NCMAP: variants seen among roughly 807,000 people sequenced by gnomAD.
NCMAP encodes noncompact myelin-associated protein.
Under a neutral mutation model 7.8 loss-of-function variants are expected in NCMAP, and 8 were observed. The observed-to-expected ratio is 1.02, with a 90% CI of 0.60 to 1.84. The LOEUF is 1.84. Among genes scored for constraint, NCMAP ranks in the 40% most tolerant of loss-of-function variants. NCMAP has a pLI of 0.00. For missense variants in NCMAP, 112 were observed against 131.4 expected, an observed-to-expected ratio of 0.85 and a Z score of 0.72; for synonymous variants, 41 against 52.9, an observed-to-expected ratio of 0.78 and a Z score of 0.98.
chr1:24,568,506 G>A (rs1929301), intron 1 of NCMAP, among the ~76,000 whole-genome samples: 42,443 of 152,024 alleles, frequency 0.28, 6,077 homozygotes, highest in Non-Finnish European at 0.31. Context: ...AGAGGTGGAG[G>A]AGGGGAGAGA....
At chr1:24,569,444 A>C (rs1651325860) in intron 1 of NCMAP, among the ~76,000 whole-genome samples, 1 of 147,166 alleles carries the variant, frequency 6.8e-6, no homozygotes, top group African/African-American at 2.6e-5. Flanking sequence ...CCCAGACTTC[A>C]CTCCCATTGT....
In NCMAP at chr1:24,606,904, G is replaced by A. The variant is rs770812683; in HGVS notation, c.*1157G>A. On this transcript the variant is annotated 3_prime_UTR_variant, in exon 4 of 4. Coordinates refer to ENST00000374392, the MANE Select transcript of NCMAP (RefSeq NM_001010980.5). ...CATTGGGGCACTATAACAAGTGAAGGACTTAGGAAAACATCTGGAGTATAG... is the reference window on the plus strand; with the variant it reads ...CATTGGGGCACTATAACAAGTGAAGAACTTAGGAAAACATCTGGAGTATAG... 1.3e-5 allele frequency: 2 copies of A among 152,122 alleles called. No individual in the cohort carries two copies. The highest frequency in any genetic ancestry group is 6.5e-5 in the Admixed American group (1 of 15,268). 9.4% of individuals were successfully genotyped at this position (152,122 alleles called of 1,614,324 possible). A position where few individuals can be genotyped will look rare whatever the true frequency, so the allele number is the denominator to read the frequency against.
At chr1:24,590,185 G>A (rs932606637) in intron 1 of NCMAP, among the ~76,000 whole-genome samples, 4 of 152,320 alleles carry the variant, frequency 2.6e-5, no homozygotes, top group Admixed American at 6.5e-5. Flanking sequence ...CATTTTGCTA[G>A]TTGAATCAGG....
chr1:24,587,387 A>T (rs1651912052), intron 1 of NCMAP, among the ~76,000 whole-genome samples: 1 of 152,214 alleles, frequency 6.6e-6, no homozygotes, highest in East Asian at 1.9e-4. Flanking sequence ...CCTACAGACA[A>T]CTACTATCGC....
intron 1 of NCMAP, among the ~76,000 whole-genome samples, chr1:24,572,142 G>A (rs987583659): frequency 6.7e-6 from 1 of 148,336 alleles, no homozygotes; most frequent in Admixed American, 6.6e-5. Context: ...GGGCAGCGGC[G>A]AGCATGCTCA....
At chr1:24,564,583 A>G (rs1469274417) in intron 1 of NCMAP, among the ~76,000 whole-genome samples, 7 of 150,294 alleles carry the variant, frequency 4.7e-5, no homozygotes, top group Non-Finnish European at 8.8e-5. Context: ...TCCCAAAAGG[A>G]AAGAAAAATA....
chr1:24,598,968 A>C (rs1652357006), intron 2 of NCMAP, among the ~76,000 whole-genome samples: 1 of 151,634 alleles, frequency 6.6e-6, no homozygotes, highest in Admixed American at 6.6e-5. Flanking sequence ...CAATTCCGAC[A>C]AGGATGTTGA....
At chr1:24,599,993 G>A (rs958612920) in intron 2 of NCMAP, among the ~76,000 whole-genome samples, 8 of 139,220 alleles carry the variant, frequency 5.7e-5, no homozygotes, top group South Asian at 2.5e-4. Context: ...AAACTATAAC[G>A]GGTATTTTTT....
chr1:24,582,021 A>T (rs72884502), intron 1 of NCMAP, among the ~76,000 whole-genome samples: 3,750 of 152,222 alleles, frequency 0.025, 144 homozygotes, highest in African/African-American at 0.086. Flanking sequence ...GCAGGGAAGG[A>T]ATCAGGCCTG....
rs1184189345 is a variant in NCMAP at position 24,564,513 on chromosome 1, C to CAAAAAAAAA, written c.-8+8355_-8+8363dup. 4.8e-4 allele frequency among the ~76,000 whole-genome samples: 24 copies of CAAAAAAAAA among 50,000 alleles called. 1 individual carries two copies. Among genetic ancestry groups the CAAAAAAAAA allele is most frequent in the East Asian group, 2.1e-3 (4 of 1,892 alleles). 32.8% of individuals were successfully genotyped at this position (50,000 alleles called of 152,430 possible). ...TGGGCAACAGAGTGAGATTCTGTCTCAAAAAAAAAAAAAAAAAAACAAAAA... is the reference window on the plus strand; with the variant it reads ...TGGGCAACAGAGTGAGATTCTGTCTCAAAAAAAAAAAAAAAAAAAAAAAAAAAACAAAAA... On this transcript the variant is annotated intron_variant, in intron 1 of 3. Transcript: ENST00000374392.
intron 1 of NCMAP, among the ~76,000 whole-genome samples, chr1:24,593,752 G>A (rs981036620): frequency 1.3e-5 from 2 of 151,946 alleles, no homozygotes; most frequent in Non-Finnish European, 1.5e-5. Flanking sequence ...TAGACCCTTC[G>A]TGGGCTTCCA....
chr1:24,599,437 A>G (rs988456910), intron 2 of NCMAP, among the ~76,000 whole-genome samples: 41 of 152,226 alleles, frequency 2.7e-4, no homozygotes, highest in African/African-American at 9.2e-4. Flanking sequence ...AGTATTCTCA[A>G]TAGAGAATTG....
chr1:24,574,794 C>CCT (rs1651496954), intron 1 of NCMAP, among the ~76,000 whole-genome samples: 3 of 131,834 alleles, frequency 2.3e-5, no homozygotes, highest in African/African-American at 8.6e-5. Flanking sequence ...GCCCGCAATA[C>CCT]TTTTTTTTTT....
At chr1:24,597,617 GAGAAAGAAAGAA>G (rs71032831) in intron 2 of NCMAP, among the ~76,000 whole-genome samples, 2,809 of 87,418 alleles carry the variant, frequency 0.032, 95 homozygotes, top group African/African-American at 0.071. Flanking sequence ...AAGAAAGAAA[GAGAAAGAAAGAA>G]AGAAAGAAAG....
At chr1:24,562,731 G>T (rs1419484825) in intron 1 of NCMAP, among the ~76,000 whole-genome samples, 2 of 152,202 alleles carry the variant, frequency 1.3e-5, no homozygotes, top group African/African-American at 4.8e-5. Context: ...ACAGGCAAGG[G>T]ATCAGGCATT....
At chr1:24,561,889 G>C (rs1477939075) in intron 1 of NCMAP, among the ~76,000 whole-genome samples, 1 of 147,232 alleles carries the variant, frequency 6.8e-6, no homozygotes, top group Non-Finnish European at 1.5e-5. Context: ...TACTCTGGGG[G>C]ACAAGAGCGA....
chr1:24,562,618 A>G (rs966243388), intron 1 of NCMAP, among the ~76,000 whole-genome samples: 1 of 152,178 alleles, frequency 6.6e-6, no homozygotes, highest in African/African-American at 2.4e-5. Flanking sequence ...AGGGAAACTC[A>G]CCTGCTTCAG....
chr1:24,558,430 A>T (rs1379025383), intron 1 of NCMAP, among the ~76,000 whole-genome samples: 1 of 152,202 alleles, frequency 6.6e-6, no homozygotes, highest in East Asian at 1.9e-4. Context: ...AACACTGACC[A>T]TGAGCTTCTT....
Position 24,591,412 on chromosome 1 carries a change from C to T in NCMAP, c.-7-4012C>T, listed in dbSNP as rs111436538. On this transcript the variant is annotated intron_variant, in intron 1 of 3. Transcript: ENST00000374392. ...CCTCCCAAGTAGCTGGGACTATAGG[C>T]GTGCACCACCACAAGCGGCTAGTTT... 5.7e-3 allele frequency among the ~76,000 whole-genome samples: 866 copies of T among 152,308 alleles called. 8 individuals are homozygous for T. The highest frequency in any genetic ancestry group is 0.018 in the African/African-American group (765 of 41,552).
Sources: allele counts gnomAD v4.1 joint callset (sites outside exome capture counted in the v4.1 genomes callset), GRCh38; gene constraint gnomAD v4.1.1; transcripts MANE v1.5; gene names NCBI Gene and HGNC (gene_info 2026-07-23, HGNC 2026-07-21).